Variants in TYK2 observed in about 807,000 individuals in gnomAD.
The protein encoded by TYK2 is tyrosine kinase 2, also known as non-receptor tyrosine-protein kinase TYK2.
A neutral mutation model predicts 130.9 loss-of-function variants in TYK2; 65 were observed. The observed-to-expected ratio is 0.50, with a 90% CI of 0.41 to 0.61. TYK2 has a LOEUF of 0.61. TYK2 is among the 20% of genes least tolerant of loss of function. TYK2 has a pLI of 0.00. For synonymous variants in TYK2, 647 were observed against 658.9 expected, an observed-to-expected ratio of 0.98 and a Z score of 0.28; for missense variants, 1,378 against 1,610.7, an observed-to-expected ratio of 0.86 and a Z score of 2.47.
chr19:10,380,075 T>C (rs940557715), intron 1 of TYK2, among the ~76,000 whole-genome samples: 1 of 152,190 alleles, frequency 6.6e-6, no homozygotes, highest in Non-Finnish European at 1.5e-5. Context: ...TGTAACAGTG[T>C]CTACCTCAAA....
rs867190387 is a variant in TYK2, at chr19:10,378,014, G to A, written c.193+200C>T. Among the ~76,000 whole-genome samples, 98 of 126,216 alleles carry A rather than the reference G, an allele frequency of 7.8e-4. 1 individual carries two copies. The Middle Eastern group carries it at 0.05, about 64-fold the overall frequency. 82.8% of individuals were successfully genotyped at this position (126,216 alleles called of 152,430 possible). A position where few individuals can be genotyped will look rare whatever the true frequency, so the allele number is the denominator to read the frequency against. On this transcript the variant is annotated intron_variant, in intron 3 of 24. Transcript: ENST00000525621. Reference sequence around the variant, plus strand: ...GATGGGAGGATGGATGGATGCATGGGTGGATGGATGGGTGGGTGGGTGGAT... The same window carrying A: ...GATGGGAGGATGGATGGATGCATGGATGGATGGATGGGTGGGTGGGTGGAT...
chr19:10,355,648 AAAAAAAG>A (rs1392094651), intron 18 of TYK2, among the ~76,000 whole-genome samples: 1 of 151,044 alleles, frequency 6.6e-6, no homozygotes, highest in African/African-American at 2.4e-5. Flanking sequence ...CTCAAAAAAA[AAAAAAAG>A]AAAGAAAGAA....
intron 3 of TYK2, among the ~76,000 whole-genome samples, chr19:10,372,033 C>T (rs531677718): frequency 4.9e-4 from 75 of 152,064 alleles, no homozygotes; most frequent in African/African-American, 1.7e-3. Context: ...ATCTGTCGCC[C>T]AGGCTGGAGT....
At chr19:10,357,674 A>C (rs949995545) in intron 17 of TYK2, 90 bp downstream of exon 17, 23 of 1,526,768 alleles carry the variant, frequency 1.5e-5, no homozygotes, top group Non-Finnish European at 1.5e-5. Context: ...CGAGGCCAGA[A>C]GGGATGCAGC....
At chr19:10,362,713 C>T in intron 9 of TYK2, 56 bp from the exon 10 acceptor site, 1 of 1,456,870 alleles carries the variant, frequency 6.9e-7, no homozygotes, top group Non-Finnish European at 9.4e-7. Context: ...TGGACCCATA[C>T]CCGGGAACAA....
rs1264507144 is a variant in TYK2, at chr19:10,372,482, A to ATTT, written c.194-4065_194-4064insAAA. Reference sequence around the variant, plus strand: ...GCTATATATATATATATATATATATATATTTTTTTTTTTTTTTTTTTTTTT... The same window carrying ATTT: ...GCTATATATATATATATATATATATATTTTATTTTTTTTTTTTTTTTTTTTTTT... On this transcript the variant is annotated intron_variant, in intron 3 of 24. Transcript: ENST00000525621. 1.7e-3 allele frequency among the ~76,000 whole-genome samples: 92 copies of ATTT among 54,086 alleles called. 1 individual carries two copies. The highest frequency in any genetic ancestry group is 5.2e-3 in the East Asian group (8 of 1,546). The allele number at this position is 54,086 out of a possible 152,430, so 35.5% of individuals were successfully genotyped here. A position where few individuals can be genotyped will look rare whatever the true frequency, so the allele number is the denominator to read the frequency against.
At chr19:10,376,934 C>A (rs955548386) in intron 3 of TYK2, among the ~76,000 whole-genome samples, 3 of 152,056 alleles carry the variant, frequency 2.0e-5, no homozygotes, top group African/African-American at 7.2e-5. Flanking sequence ...CTGGGTCTCA[C>A]TCTGTCACCC....
chr19:10,363,729 C>A (rs761449617), intron 9 of TYK2, among the ~76,000 whole-genome samples: 1 of 152,196 alleles, frequency 6.6e-6, no homozygotes, highest in Non-Finnish European at 1.5e-5. Context: ...CACAAACATG[C>A]ACTATAAAGT....
At position 10,352,333 on chromosome 19, in the gene TYK2, A is replaced by G. The variant is rs1410825125; in HGVS notation, c.3318+101T>C. 6.0e-6 allele frequency: 5 copies of G among 827,464 alleles called. No individual in the cohort carries two copies. The African/African-American group carries it at 6.7e-5, about 11-fold the overall frequency. 51.3% of individuals were successfully genotyped at this position (827,464 alleles called of 1,614,324 possible). On this transcript the variant is annotated intron_variant, in intron 23 of 24. Transcript: ENST00000525621. ...GTGATCCGCCCGCCTCGGCCTCCCA[A>G]AGTGCTGGGATTACAGGCTTGAGCC... is the stretch of plus-strand genomic sequence containing the variant.
At chr19:10,378,481 G>T in intron 2 of TYK2, 55 bp from the exon 3 acceptor site, 1 of 1,462,314 alleles carries the variant, frequency 6.8e-7, no homozygotes, top group East Asian at 2.3e-5. Flanking sequence ...ACCCCTGTTA[G>T]CTCTTCAACC....
At chr19:10,366,010 A>C (rs1246438194) in intron 6 of TYK2, 112 bp from the exon 7 acceptor site, 4 of 1,173,432 alleles carry the variant, frequency 3.4e-6, no homozygotes, top group Non-Finnish European at 4.7e-6. Flanking sequence ...CATCTGGAAA[A>C]CAGGCACACT....
Position 10,364,471 on chromosome 19 carries a change from G to A in TYK2, c.1367+143C>T. The stretch of plus-strand genomic sequence containing the variant: ...GGAGGCTGCAGTGAGCTGAGATCAT[G>A]CCACTGCACTCCAGTTTGGGCGACA... On this transcript the variant is annotated intron_variant, in intron 9 of 24. Transcript: ENST00000525621. This position sits in a 1 kb window ranked among gnomAD's most constrained non-coding sequence, Gnocchi z 4.9. The A allele has an allele frequency of 1.1e-6, 1 of 917,036 alleles. No individual in the cohort carries two copies. The highest frequency in any genetic ancestry group is 1.7e-6 in the Non-Finnish European group (1 of 602,680). The allele number at this position is 917,036 out of a possible 1,614,324, so 56.8% of individuals were successfully genotyped here.
In TYK2 at chr19:10,353,959, C is replaced by A; in HGVS notation, c.2908+83G>T. On this transcript the variant is annotated intron_variant, in intron 20 of 24. Coordinates refer to ENST00000525621, the MANE Select transcript of TYK2 (RefSeq NM_003331.5). The surrounding 1 kb of genome is among the most constrained non-coding windows in gnomAD (Gnocchi z 6.9). Reference sequence around the variant, plus strand: ...GGTTGAGAGTCTCTAATTGGCTAGGCCAGACTGGCCCCGCCCACAAGGCCA... The same window carrying A: ...GGTTGAGAGTCTCTAATTGGCTAGGACAGACTGGCCCCGCCCACAAGGCCA... The A allele has an allele frequency of 1.4e-6, 2 of 1,444,660 alleles. No homozygotes were observed. Among genetic ancestry groups the A allele is most frequent in the Non-Finnish European group, 9.6e-7 (1 of 1,036,894 alleles). The allele number at this position is 1,444,660 out of a possible 1,614,324, so 89.5% of individuals were successfully genotyped here. A position where few individuals can be genotyped will look rare whatever the true frequency, so the allele number is the denominator to read the frequency against.
Position 10,380,384 on chromosome 19 carries a change from C to A in TYK2, c.-190G>T, listed in dbSNP as rs1184784556. 6.6e-6 allele frequency: 1 copy of A among 152,524 alleles called. No homozygotes were observed. The highest frequency in any genetic ancestry group is 2.4e-5 in the African/African-American group (1 of 41,472). 9.4% of individuals were successfully genotyped at this position (152,524 alleles called of 1,614,324 possible). A position where few individuals can be genotyped will look rare whatever the true frequency, so the allele number is the denominator to read the frequency against. ...GGAACTGGGATGTGCACCCACCGGG[C>A]ATCGGAGCAGTCCCGAGGCACCAGG... is the stretch of plus-strand genomic sequence containing the variant. On this transcript the variant is annotated 5_prime_UTR_variant, in exon 1 of 25. It removes an upstream start codon present in the reference 5' UTR. Coordinates refer to ENST00000525621, the MANE Select transcript of TYK2 (RefSeq NM_003331.5).
rs12720223 is a variant in TYK2, at chr19:10,378,157, C to T, written c.193+57G>A. On this transcript the variant is annotated intron_variant, in intron 3 of 24. Transcript: ENST00000525621. The stretch of plus-strand genomic sequence containing the variant: ...GGGTGGATAGACGGATGGATGGGGC[C>T]CAGCTGCTGCTTGCACACCCACCCC... 2,464 of 1,580,114 alleles carry T rather than the reference C, an allele frequency of 1.6e-3. 35 individuals are homozygous for T. The African/African-American group carries it at 0.028, about 18-fold the overall frequency.
Position 10,354,563 on chromosome 19 carries a change from G to C in TYK2, c.2664C>G (p.Asp888Glu), listed in dbSNP as rs201456217. 9.9e-6 allele frequency: 16 copies of C among 1,613,926 alleles called. No individual in the cohort carries two copies. Among genetic ancestry groups the C allele is most frequent in the Non-Finnish European group, 1.4e-5 (16 of 1,180,044 alleles). ...AATAGCGCTTGTGGAAAACCGTAGG[G>C]TCCGACGCCGGTGAGTCCGGGTTCA... ...LTVNPDSPASDPTVFHKRYLK... is the reference protein window; with the variant it reads ...LTVNPDSPASEPTVFHKRYLK... The change falls in exon 19 of 25, where the codon GAC (aspartate) becomes GAG (glutamate). Residue 888 changes from aspartate to glutamate, a missense_variant. By Grantham distance (45) the Asp-to-Glu change is conservative. Transcript: ENST00000525621.
chr19:10,377,900 G>A (rs1365393422), intron 3 of TYK2, among the ~76,000 whole-genome samples: 1 of 88,620 alleles, frequency 1.1e-5, no homozygotes, highest in African/African-American at 4.8e-5. Flanking sequence ...ATGGGTGGGT[G>A]GGTGGGTGGA....
In TYK2 at chr19:10,364,024, C is replaced by T. The variant is rs6511695; in HGVS notation, c.1367+590G>A. Among the ~76,000 whole-genome samples the T allele has an allele frequency of 0.085, 12,895 of 152,240 alleles. 595 individuals carry two copies. The highest frequency in any genetic ancestry group is 0.15 in the Middle Eastern group (45 of 294). On this transcript the variant is annotated intron_variant, in intron 9 of 24. Transcript: ENST00000525621. This position sits in a 1 kb window ranked among gnomAD's most constrained non-coding sequence, Gnocchi z 4.9. ...CTGCACCTGATGATGACATAAGTAC[C>T]GACAACTTCACGCCCTCAGGCCCAC...
chr19:10,370,633 C>G (rs887381914), intron 3 of TYK2, among the ~76,000 whole-genome samples: 4 of 151,864 alleles, frequency 2.6e-5, no homozygotes, highest in Non-Finnish European at 5.9e-5. Context: ...GCCTGGCCAC[C>G]AGAGCAAAAC....
Sources: gnomAD v4.1 joint callset for allele counts (sites outside exome capture counted in the v4.1 genomes callset) on GRCh38, gnomAD v4.1.1 for gene constraint, Gnocchi (gnomAD v3.1) non-coding constraint, MANE v1.5 for transcripts, NCBI Gene and HGNC (gene_info 2026-07-23, HGNC 2026-07-21) for gene names.